HAUS2: variants seen among roughly 807,000 people sequenced by gnomAD.
HAUS2 encodes the protein HAUS augmin like complex subunit 2.
Under a neutral mutation model 21.6 loss-of-function variants are expected in HAUS2, and 20 were observed. The ratio of observed to expected loss-of-function variants is 0.93; its 90% confidence interval spans 0.65 to 1.35. The LOEUF is 1.35. Ranked by LOEUF, HAUS2 falls within the 40% of genes most tolerant of loss-of-function variation. The pLI, the probability that HAUS2 is intolerant of heterozygous loss-of-function variation, is 0.00. For missense variants in HAUS2, 297 were observed against 280.7 expected, an observed-to-expected ratio of 1.06 and a Z score of -0.42; for synonymous variants, 113 against 95.6, an observed-to-expected ratio of 1.18 and a Z score of -1.06.
intron 4 of HAUS2, 198 bp downstream of exon 4, chr15:42,561,600 A>T: frequency 2.1e-6 from 1 of 466,504 alleles, no homozygotes; most frequent in Non-Finnish European, 3.8e-6. Flanking sequence ...GAACTTGGCC[A>T]TCGTGTTTTG....
chr15:42,563,131 ATGGGGC>A (rs1355507096), intron 4 of HAUS2, among the ~76,000 whole-genome samples: 1 of 150,832 alleles, frequency 6.6e-6, no homozygotes, highest in East Asian at 1.9e-4. Flanking sequence ...AAAAAAAGAA[ATGGGGC>A]TGGGCAAGGT....
chr15:42,567,208 TGGG>T lies in HAUS2; in HGVS notation c.*393_*395del. 5.8e-6 allele frequency: 1 copy of T among 172,006 alleles called. No individual in the cohort carries two copies. The highest frequency in any genetic ancestry group is 1.2e-5 in the Non-Finnish European group (1 of 81,242). 10.7% of individuals were successfully genotyped at this position (172,006 alleles called of 1,614,324 possible). A position where few individuals can be genotyped will look rare whatever the true frequency, so the allele number is the denominator to read the frequency against. On this transcript the variant is annotated 3_prime_UTR_variant, in exon 6 of 6. Coordinates refer to ENST00000260372, the MANE Select transcript of HAUS2 (RefSeq NM_018097.3). ...TAAACCCAGGAGTTCAAGACCAGCC[TGGG>T]TAACATGGTGAAATCCCATATCTAC...
At position 42,565,386 on chromosome 15, in the gene HAUS2, A is replaced by AGT. The variant is rs1413557687; in HGVS notation, c.499-1221_499-1220insGT. Among the ~76,000 whole-genome samples the AGT allele has an allele frequency of 5.0e-3, 391 of 77,432 alleles. 4 individuals are homozygous for AGT. The highest frequency in any genetic ancestry group is 1.7e-3 in the Non-Finnish European group (61 of 36,138). The allele number at this position is 77,432 out of a possible 152,430, so 50.8% of individuals were successfully genotyped here. On this transcript the variant is annotated intron_variant, in intron 5 of 5. Transcript: ENST00000260372. Reference sequence around the variant, plus strand: ...CTGTCTGAGTATTGGGGAGCCATTGAATGTGTGTGTGTGTGTGTGTGTGTG... The same window carrying AGT: ...CTGTCTGAGTATTGGGGAGCCATTGAGTATGTGTGTGTGTGTGTGTGTGTGTG...
intron 1 of HAUS2, among the ~76,000 whole-genome samples, chr15:42,557,081 T>C (rs1048243900): frequency 4.0e-5 from 6 of 150,134 alleles, no homozygotes; most frequent in African/African-American, 1.2e-4. Context: ...TTGGGAGGCC[T>C]AGGTGGGCAG....
Position 42,569,180 on chromosome 15 carries a change from T to C in HAUS2, c.*2364T>C, listed in dbSNP as rs1224540723. 1.3e-5 allele frequency: 2 copies of C among 152,220 alleles called. No individual in the cohort carries two copies. Among genetic ancestry groups the C allele is most frequent in the African/African-American group, 2.4e-5 (1 of 41,458 alleles). 9.4% of individuals were successfully genotyped at this position (152,220 alleles called of 1,614,324 possible). ...ATATACTAACAACTGCCTCAGGATA[T>C]ACTCTTTTTAATCAGTATTGTAACT... On this transcript the variant is annotated 3_prime_UTR_variant, in exon 6 of 6. Transcript: ENST00000260372.
chr15:42,555,914 T>C (rs2057768034), intron 1 of HAUS2, among the ~76,000 whole-genome samples: 1 of 152,008 alleles, frequency 6.6e-6, no homozygotes, highest in Non-Finnish European at 1.5e-5. Context: ...CAATAAAACT[T>C]TATTTCTGGA....
chr15:42,564,810 G>T (rs901157488), intron 5 of HAUS2, among the ~76,000 whole-genome samples: 4 of 152,166 alleles, frequency 2.6e-5, no homozygotes, highest in African/African-American at 9.7e-5. Flanking sequence ...ATTTATTTAG[G>T]TGTTAGCAGT....
At chr15:42,551,768 CT>C (rs771739012) in intron 1 of HAUS2, among the ~76,000 whole-genome samples, 52 of 152,118 alleles carry the variant, frequency 3.4e-4, no homozygotes, top group South Asian at 1.0e-3. Flanking sequence ...TGGGTGAACT[CT>C]TTTTTGGGGG....
chr15:42,556,010 G>A (rs908036025), intron 1 of HAUS2, among the ~76,000 whole-genome samples: 1 of 151,638 alleles, frequency 6.6e-6, no homozygotes, highest in African/African-American at 2.4e-5. Flanking sequence ...GCAGTGGCGC[G>A]ATCTCGGCTC....
intron 1 of HAUS2, among the ~76,000 whole-genome samples, chr15:42,554,842 G>A (rs113250873): frequency 4.5e-4 from 67 of 150,478 alleles, no homozygotes; most frequent in Admixed American, 1.2e-3. Flanking sequence ...CCCCGCCGCC[G>A]CTGAGACAGG....
chr15:42,560,323 A>T (rs1485783584), intron 3 of HAUS2, among the ~76,000 whole-genome samples: 2 of 152,116 alleles, frequency 1.3e-5, no homozygotes, highest in Non-Finnish European at 2.9e-5. Flanking sequence ...ATACATGCTA[A>T]CGTTTTACAG....
Position 42,558,231 on chromosome 15 carries a change from TG to T in HAUS2, c.128del (p.Cys43PhefsTer3). On this transcript the variant is annotated frameshift_variant, in exon 2 of 6. Transcript: ENST00000260372. LOFTEE classifies it high-confidence loss of function. ...AAACATGTCTAAGAAAACAGTTTCT[TG>T]TTTTGTGAACTTCACCAGACTACAG... is the stretch of plus-strand genomic sequence containing the variant. ...MLNMSKKTVS[C>X]FVNFTRLQQI... The T allele has an allele frequency of 2.7e-6, 4 of 1,504,368 alleles. No homozygotes were observed. Among genetic ancestry groups the T allele is most frequent in the Non-Finnish European group, 3.7e-6 (4 of 1,083,442 alleles). The allele number at this position is 1,504,368 out of a possible 1,614,324, so 93.2% of individuals were successfully genotyped here. A position where few individuals can be genotyped will look rare whatever the true frequency, so the allele number is the denominator to read the frequency against.
intron 1 of HAUS2, among the ~76,000 whole-genome samples, chr15:42,556,535 T>A (rs1380633534): frequency 6.6e-6 from 1 of 151,928 alleles, no homozygotes; most frequent in East Asian, 1.9e-4. Context: ...AAGTTCGGGA[T>A]TACGGGCATG....
At chr15:42,561,634 T>A in intron 4 of HAUS2, 1 of 411,856 alleles carries the variant, frequency 2.4e-6, no homozygotes, top group East Asian at 3.8e-5. Flanking sequence ...ATGAGTTTAA[T>A]GAAAGAAATT....
At position 42,568,577 on chromosome 15, in the gene HAUS2, C is replaced by T. The variant is rs958026981; in HGVS notation, c.*1761C>T. ...TTTAAACCTTAACAGGAGGGCTCCA[C>T]TCACTGAAAAGAGTCGTTCATGGTA... is the stretch of plus-strand genomic sequence containing the variant. On this transcript the variant is annotated 3_prime_UTR_variant, in exon 6 of 6. Transcript: ENST00000260372. 6.6e-6 allele frequency: 1 copy of T among 152,246 alleles called. No individual in the cohort carries two copies. Among genetic ancestry groups the T allele is most frequent in the African/African-American group, 2.4e-5 (1 of 41,458 alleles). 9.4% of individuals were successfully genotyped at this position (152,246 alleles called of 1,614,324 possible). A position where few individuals can be genotyped will look rare whatever the true frequency, so the allele number is the denominator to read the frequency against.
chr15:42,558,340 AG>A, intron 2 of HAUS2, 50 bp downstream of exon 2: 1 of 421,322 alleles, frequency 2.4e-6, no homozygotes, highest in Non-Finnish European at 3.8e-6. Context: ...TTTTTTTTTG[AG>A]ACGGAGTCTT....
intron 1 of HAUS2, among the ~76,000 whole-genome samples, chr15:42,557,675 A>G: frequency 6.6e-6 from 1 of 151,758 alleles, no homozygotes; most frequent in East Asian, 1.9e-4. Flanking sequence ...TAACCTTTTT[A>G]AAAGAATAAT....
At chr15:42,552,130 C>G (rs1442057902) in intron 1 of HAUS2, among the ~76,000 whole-genome samples, 1 of 152,080 alleles carries the variant, frequency 6.6e-6, no homozygotes, top group African/African-American at 2.4e-5. Flanking sequence ...TCAAGCAATT[C>G]TCCTGCCTCA....
intron 1 of HAUS2, among the ~76,000 whole-genome samples, chr15:42,556,948 G>T (rs2057783935): frequency 6.6e-6 from 1 of 151,854 alleles, no homozygotes; most frequent in Non-Finnish European, 1.5e-5. Flanking sequence ...GGAAGCTAAG[G>T]CAGGAGAATC....
Sources: allele counts gnomAD v4.1 joint callset (sites outside exome capture counted in the v4.1 genomes callset), GRCh38; gene constraint gnomAD v4.1.1; transcripts MANE v1.5; gene names NCBI Gene and HGNC (gene_info 2026-07-23, HGNC 2026-07-21).